PITPNC1: variants seen among roughly 807,000 people sequenced by gnomAD.
PITPNC1 encodes the protein phosphatidylinositol transfer protein cytoplasmic 1.
A neutral mutation model predicts 44.7 loss-of-function variants in PITPNC1; 18 were observed. That is an observed-to-expected ratio of 0.40 (90% CI 0.28 to 0.60). The LOEUF is 0.60. Ranked by LOEUF, PITPNC1 falls within the 20% of genes least tolerant of loss-of-function variation. PITPNC1 has a pLI of 0.39. For missense variants in PITPNC1, 290 were observed against 418.4 expected (o/e 0.69, Z 2.68); for synonymous variants, 141 against 149.6 (o/e 0.94, Z 0.42).
At chr17:67,518,045 C>T (rs948098563) in intron 1 of PITPNC1, among the ~76,000 whole-genome samples, 3 of 152,166 alleles carry the variant, frequency 2.0e-5, no homozygotes, top group African/African-American at 7.2e-5. Flanking sequence ...GGCTTTTTCA[C>T]CCCAAATTGT....
intron 1 of PITPNC1, 43 bp from the exon 2 acceptor site, chr17:67,532,759 A>G (rs1426877787): frequency 6.7e-7 from 1 of 1,502,522 alleles, no homozygotes; most frequent in Non-Finnish European, 9.0e-7. Flanking sequence ...TGTCAGGGGC[A>G]CGCTGTGGGG....
intron 1 of PITPNC1, among the ~76,000 whole-genome samples, chr17:67,389,668 TTTGTTG>T (rs141781886): frequency 1.9e-4 from 29 of 151,782 alleles, no homozygotes; most frequent in African/African-American, 3.9e-4. Context: ...TGTTTTTTGT[TTTGTTG>T]TTGTTGTTGT....
At chr17:67,690,664 G>A (rs541426269) in intron 8 of PITPNC1, among the ~76,000 whole-genome samples, 4 of 152,026 alleles carry the variant, frequency 2.6e-5, no homozygotes, top group Non-Finnish European at 4.4e-5. Flanking sequence ...CAGAAAATCC[G>A]CGGGCACTAA....
chr17:67,423,989 G>A (rs1235439976), intron 1 of PITPNC1, among the ~76,000 whole-genome samples: 1 of 149,994 alleles, frequency 6.7e-6, no homozygotes, highest in African/African-American at 2.5e-5. Context: ...AAACCTATTG[G>A]TGTTCCTGTT....
chr17:67,591,758 G>C (rs1337994190), intron 5 of PITPNC1, among the ~76,000 whole-genome samples: 1 of 152,088 alleles, frequency 6.6e-6, no homozygotes, highest in Non-Finnish European at 1.5e-5. Context: ...CACCCAGGCT[G>C]GAGTGCAGTG....
At chr17:67,445,962 T>A (rs983282231) in intron 1 of PITPNC1, among the ~76,000 whole-genome samples, 1 of 151,992 alleles carries the variant, frequency 6.6e-6, no homozygotes, top group Admixed American at 6.6e-5. Flanking sequence ...TTTGGTTTTT[T>A]TTGAGACAGA....
At chr17:67,550,439 T>C (rs2040744489) in intron 2 of PITPNC1, among the ~76,000 whole-genome samples, 1 of 126,572 alleles carries the variant, frequency 7.9e-6, no homozygotes, top group South Asian at 2.6e-4. Context: ...GAGAAACAAC[T>C]GGAAAAGACA....
intron 4 of PITPNC1, among the ~76,000 whole-genome samples, chr17:67,570,514 C>T (rs1442080766): frequency 3.3e-5 from 5 of 152,196 alleles, no homozygotes; most frequent in Admixed American, 3.3e-4. Flanking sequence ...CCTTTGACCC[C>T]AGCTCAGCTT....
intron 1 of PITPNC1, among the ~76,000 whole-genome samples, chr17:67,502,729 TATTGC>T (rs1265926396): frequency 4.1e-5 from 6 of 145,450 alleles, no homozygotes; most frequent in South Asian, 2.2e-4. Context: ...GAAGTAAGAT[TATTGC>T]ATTGCATTGC....
intron 1 of PITPNC1, among the ~76,000 whole-genome samples, chr17:67,513,487 G>GTATATATATATATATA (rs1442010835): frequency 5.1e-5 from 7 of 136,908 alleles, no homozygotes; most frequent in African/African-American, 2.1e-4. Flanking sequence ...ATGTGTGTGT[G>GTATATATATATATATA]TGTATATATA....
intron 5 of PITPNC1, among the ~76,000 whole-genome samples, chr17:67,609,288 C>A (rs1433913235): frequency 7.0e-5 from 8 of 114,304 alleles, no homozygotes; most frequent in Admixed American, 9.3e-5. Flanking sequence ...CTTCTTCTTC[C>A]TTTTTTTTTT....
In PITPNC1 at chr17:67,455,949, A is replaced by T. The variant is rs564273377; in HGVS notation, c.49-76853A>T. Among the ~76,000 whole-genome samples, 4 of 152,332 alleles carry T rather than the reference A, an allele frequency of 2.6e-5. No homozygotes were observed. In the South Asian group the frequency reaches 8.3e-4, roughly 32 times the overall value. ...CAAATATATAAAACATGTACAGATAATAATGAAACGTACACTTATGTACCC... is the reference window on the plus strand; with the variant it reads ...CAAATATATAAAACATGTACAGATATTAATGAAACGTACACTTATGTACCC... On this transcript the variant is annotated intron_variant, in intron 1 of 8. Coordinates refer to ENST00000581322, the MANE Select transcript of PITPNC1 (RefSeq NM_012417.4).
chr17:67,632,281 A>C (rs751022407), intron 6 of PITPNC1, 43 bp downstream of exon 6: 1 of 1,227,646 alleles, frequency 8.1e-7, no homozygotes, highest in Admixed American at 1.7e-5. Flanking sequence ...TCATTCATTC[A>C]TTCATTCCAC....
At chr17:67,456,407 G>A (rs1485281136) in intron 1 of PITPNC1, among the ~76,000 whole-genome samples, 1 of 152,086 alleles carries the variant, frequency 6.6e-6, no homozygotes, top group East Asian at 1.9e-4. Context: ...AGCTATTTCA[G>A]TCTGTTTGCA....
intron 1 of PITPNC1, among the ~76,000 whole-genome samples, chr17:67,477,974 G>GTCAC (rs1036805044): frequency 6.6e-5 from 10 of 152,286 alleles, no homozygotes; most frequent in Middle Eastern, 3.4e-3. Context: ...GTGATGGCAT[G>GTCAC]TCACTGCTGG....
At chr17:67,451,609 T>C (rs778231680) in intron 1 of PITPNC1, among the ~76,000 whole-genome samples, 1 of 152,072 alleles carries the variant, frequency 6.6e-6, no homozygotes, top group Non-Finnish European at 1.5e-5. Flanking sequence ...TTATACAACA[T>C]GTAGTCCTTT....
chr17:67,592,357 A>G (rs917495856), intron 5 of PITPNC1, among the ~76,000 whole-genome samples: 1 of 152,184 alleles, frequency 6.6e-6, no homozygotes, highest in African/African-American at 2.4e-5. Context: ...CCTAACAAAG[A>G]CCTGAACAAA....
intron 8 of PITPNC1, among the ~76,000 whole-genome samples, chr17:67,681,800 G>T (rs2042713883): frequency 6.6e-6 from 1 of 152,008 alleles, no homozygotes; most frequent in African/African-American, 2.4e-5. Context: ...ATTATATCCA[G>T]TTTTCAATAT....
chr17:67,613,041 C>CA (rs574809341), intron 5 of PITPNC1: 107 of 152,180 alleles, frequency 7.0e-4, no homozygotes, highest in African/African-American at 2.4e-3. Context: ...ACTAAAAATA[C>CA]AAAAAATTAG....
Sources: allele counts gnomAD v4.1 joint callset (sites outside exome capture counted in the v4.1 genomes callset), GRCh38; gene constraint gnomAD v4.1.1; transcripts MANE v1.5; gene names NCBI Gene and HGNC (gene_info 2026-07-23, HGNC 2026-07-21).